The following BANK1 variants were observed in gnomAD, a reference collection of about 807,000 sequenced individuals.
BANK1 encodes B-cell scaffold protein with ankyrin repeats.
BANK1 carries 95 observed loss-of-function variants against 94.5 expected under a neutral mutation model. The observed-to-expected ratio is 1.00, with a 90% CI of 0.85 to 1.19. The LOEUF (loss-of-function observed/expected upper bound fraction) is 1.19. Among genes scored for constraint, BANK1 ranks in the 50% most tolerant of loss-of-function variants. The probability of loss-of-function intolerance (pLI) is 0.00; values close to 1 mark genes in which losing one functional copy is unlikely to be tolerated. For missense variants in BANK1, 987 were observed against 932.2 expected (o/e 1.06, Z -0.77); for synonymous variants, 334 against 308.4 (o/e 1.08, Z -0.87).
chr4:102,020,147 C>A (rs1304922571), intron 7 of BANK1, among the ~76,000 whole-genome samples: 1 of 151,914 alleles, frequency 6.6e-6, no homozygotes, highest in East Asian at 1.9e-4. Flanking sequence ...TTCTCAAAAT[C>A]TTTGTAAACC....
At chr4:101,813,979 T>C in intron 1 of BANK1, 1 of 750,110 alleles carries the variant, frequency 1.3e-6, no homozygotes, top group Non-Finnish European at 1.6e-6. Flanking sequence ...TTCTAAGATA[T>C]TTTACCATTG....
chr4:101,944,371 C>G (rs1337979115), intron 7 of BANK1, among the ~76,000 whole-genome samples: 2 of 152,010 alleles, frequency 1.3e-5, no homozygotes, highest in African/African-American at 4.8e-5. Flanking sequence ...TCTCCATGAT[C>G]TCCCTTTTCT....
intron 8 of BANK1, among the ~76,000 whole-genome samples, chr4:102,024,816 G>A (rs116421467): frequency 0.076 from 11,586 of 152,118 alleles, 772 homozygotes; most frequent in African/African-American, 0.18. Context: ...GTAAAGGTTT[G>A]TGTCTTTTTT....
intron 11 of BANK1, among the ~76,000 whole-genome samples, chr4:102,051,469 C>CA (rs1360846087): frequency 2.0e-5 from 3 of 151,884 alleles, no homozygotes; most frequent in East Asian, 3.9e-4. Context: ...AAAGCACACA[C>CA]AAAAAAGATG....
intron 7 of BANK1, among the ~76,000 whole-genome samples, chr4:101,958,435 TGTCTTTGCTTTGCAGACTGCCCCCCATGC>T (rs1724443346): frequency 7.6e-6 from 1 of 132,288 alleles, no homozygotes. Flanking sequence ...TTTTTTTTTT[TGTCTTTGCTTTGCAGACTGCCCCCCATGC>T]TTTTTTTTTT....
intron 7 of BANK1, among the ~76,000 whole-genome samples, chr4:101,964,561 A>G (rs992024984): frequency 1.3e-5 from 2 of 152,022 alleles, no homozygotes; most frequent in Non-Finnish European, 2.9e-5. Flanking sequence ...TTTAACTAGC[A>G]TGTACCTTTA....
intron 7 of BANK1, among the ~76,000 whole-genome samples, chr4:101,920,577 T>C (rs1722970144): frequency 6.6e-6 from 1 of 151,964 alleles, no homozygotes; most frequent in Non-Finnish European, 1.5e-5. Context: ...TCATGAACTA[T>C]TGTTTCAGAA....
At chr4:101,939,285 C>A (rs181808930) in intron 7 of BANK1, among the ~76,000 whole-genome samples, 1 of 151,578 alleles carries the variant, frequency 6.6e-6, no homozygotes, top group African/African-American at 2.4e-5. Flanking sequence ...ATAACAAGAC[C>A]GTCTAAAATG....
At chr4:101,850,270 G>T (rs1033823106) in intron 2 of BANK1, among the ~76,000 whole-genome samples, 1 of 151,778 alleles carries the variant, frequency 6.6e-6, no homozygotes, top group Non-Finnish European at 1.5e-5. Context: ...TGTTTGTTTG[G>T]TTGGTTGGTT....
At chr4:101,966,328 C>T (rs931661856) in intron 7 of BANK1, among the ~76,000 whole-genome samples, 17 of 152,006 alleles carry the variant, frequency 1.1e-4, no homozygotes, top group Middle Eastern at 3.4e-3. Flanking sequence ...TTTTATTAAG[C>T]CTCCTTTCAA....
At chr4:102,019,772 T>C (rs570985250) in intron 7 of BANK1, among the ~76,000 whole-genome samples, 3 of 151,648 alleles carry the variant, frequency 2.0e-5, no homozygotes, top group South Asian at 4.2e-4. Flanking sequence ...GTAAGAAGCA[T>C]TGGTTTTTTA....
rs564901430 is a variant in BANK1, at chr4:101,971,025, A to G, written c.1207-50489A>G. ...TGCCAAAGATGAATGACCAGGTGGA[A>G]TGTTGGGATGAACTCTTCATGCAAC... On this transcript the variant is annotated intron_variant, in intron 7 of 16. Transcript: ENST00000322953. Among the ~76,000 whole-genome samples the G allele has an allele frequency of 2.7e-4, 41 of 152,250 alleles. 1 individual carries two copies. In the South Asian group the frequency reaches 8.5e-3, roughly 32 times the overall value.
chr4:102,034,556 T>C (rs968503269), intron 10 of BANK1, among the ~76,000 whole-genome samples: 3 of 152,256 alleles, frequency 2.0e-5, no homozygotes, highest in African/African-American at 7.2e-5. Flanking sequence ...GTCTGTTTCT[T>C]GGATTCTGGT....
chr4:102,009,256 C>G (rs1726404771), intron 7 of BANK1, among the ~76,000 whole-genome samples: 1 of 152,234 alleles, frequency 6.6e-6, no homozygotes, highest in South Asian at 2.1e-4. Flanking sequence ...AACTATACAA[C>G]TGGGGTTTCC....
At chr4:101,847,939 G>C (rs1727318218) in intron 2 of BANK1, among the ~76,000 whole-genome samples, 1 of 152,142 alleles carries the variant, frequency 6.6e-6, no homozygotes, top group Admixed American at 6.6e-5. Flanking sequence ...TCCCTGTGGA[G>C]TTTTACCCCC....
At chr4:101,953,837 C>T (rs538902417) in intron 7 of BANK1, among the ~76,000 whole-genome samples, 21 of 152,162 alleles carry the variant, frequency 1.4e-4, no homozygotes, top group African/African-American at 4.1e-4. Context: ...GCATATTGTG[C>T]GTAATATTTC....
intron 1 of BANK1, among the ~76,000 whole-genome samples, chr4:101,804,014 A>T (rs1482321383): frequency 7.3e-6 from 1 of 137,452 alleles, no homozygotes; most frequent in African/African-American, 2.6e-5. Context: ...AAAAAAAAAA[A>T]AAAAAAAAAA....
intron 1 of BANK1, among the ~76,000 whole-genome samples, chr4:101,809,512 G>A (rs1560582767): frequency 6.6e-6 from 1 of 152,042 alleles, no homozygotes; most frequent in African/African-American, 2.4e-5. Context: ...ATAAAAAATA[G>A]TGGATACTGT....
intron 1 of BANK1, among the ~76,000 whole-genome samples, chr4:101,821,240 G>T (rs1726134275): frequency 6.6e-6 from 1 of 152,114 alleles, no homozygotes; most frequent in African/African-American, 2.4e-5. Context: ...TTGGCCACAT[G>T]TATGTCTTCT....
Sources: gnomAD v4.1 joint callset for allele counts (sites outside exome capture counted in the v4.1 genomes callset) on GRCh38, gnomAD v4.1.1 for gene constraint, MANE v1.5 for transcripts, NCBI Gene and HGNC (gene_info 2026-07-23, HGNC 2026-07-21) for gene names.